Variants in RNF123 observed in about 807,000 individuals in gnomAD.
RNF123 encodes the protein E3 ubiquitin-protein ligase RNF123.
A neutral mutation model predicts 168.5 loss-of-function variants in RNF123; 86 were observed. The ratio of observed to expected loss-of-function variants is 0.51; its 90% CI spans 0.43 to 0.61. The LOEUF (loss-of-function observed/expected upper bound fraction) is 0.61. Among genes scored for constraint, RNF123 ranks in the 20% least tolerant of loss-of-function variants. RNF123 has a pLI of 0.00. For missense variants in RNF123, 1,419 were observed against 1,729.7 expected (o/e 0.82, Z 3.19); for synonymous variants, 666 against 689.1 (o/e 0.97, Z 0.52).
At chr3:49,713,245 G>A (rs2080177277) in intron 27 of RNF123, 4 of 591,008 alleles carry the variant, frequency 6.8e-6, no homozygotes, top group Admixed American at 3.0e-5. Context: ...AGCTTTGACT[G>A]CTCATCAGGT....
At chr3:49,716,344 G>C (rs141491956) in intron 34 of RNF123, 49 bp from the exon 35 acceptor site, 4 of 1,592,882 alleles carry the variant, frequency 2.5e-6, no homozygotes, top group Non-Finnish European at 3.4e-6. Flanking sequence ...TGGAGCCCTT[G>C]AAGCAGGAGC....
intron 27 of RNF123, chr3:49,712,917 A>C (rs1387346053): frequency 1.4e-6 from 1 of 703,104 alleles, no homozygotes; most frequent in Non-Finnish European, 2.6e-6. Flanking sequence ...CTTGGCTTTC[A>C]CTTCCTTCCT....
chr3:49,695,329 G>A (rs938745093), intron 3 of RNF123, among the ~76,000 whole-genome samples: 3 of 152,044 alleles, frequency 2.0e-5, no homozygotes, highest in African/African-American at 7.3e-5. Context: ...CAAACCCCTG[G>A]GCTCAAGTGA....
At chr3:49,690,029 ACCG>A (rs2054095266) in intron 1 of RNF123, among the ~76,000 whole-genome samples, 1 of 151,940 alleles carries the variant, frequency 6.6e-6, no homozygotes, top group Non-Finnish European at 1.5e-5. Context: ...GTGAAGGGGC[ACCG>A]ATCATGGACG....
Position 49,698,787 on chromosome 3 carries a change from G to A in RNF123, c.603G>A (p.Leu201=), listed in dbSNP as rs1221536198. The A allele has an allele frequency of 3.1e-6, 5 of 1,613,972 alleles. No homozygotes were observed. The highest frequency in any genetic ancestry group is 2.2e-5 in the South Asian group (2 of 91,076). ...CAGCGGGGGACATCGTGAGCTGCCT[G>A]ATTGACCTGGATGATGGCACTCTGT... ...AWAAGDIVSC[L]IDLDDGTLSF... Residue 201 remains leucine, a synonymous_variant, in exon 9 of 39, where the codon CTG becomes CTA. Transcript: ENST00000327697.
At chr3:49,718,653 C>T (rs201479576) in intron 35 of RNF123, 16 of 1,612,916 alleles carry the variant, frequency 9.9e-6, no homozygotes, top group Non-Finnish European at 1.3e-5. Flanking sequence ...ACGAGCAGTT[C>T]TCAAAGACGC....
chr3:49,703,384 AC>A (rs2108186881), intron 20 of RNF123, 42 bp from the exon 21 acceptor site: 1 of 1,528,846 alleles, frequency 6.5e-7, no homozygotes, highest in Non-Finnish European at 9.0e-7. Context: ...GGGTCTTCCT[AC>A]TGGGCCGTGA....
rs2054532599 is a variant in RNF123, at chr3:49,707,030, G to T, written c.2496+132G>T. 8 of 696,132 alleles carry T rather than the reference G, an allele frequency of 1.1e-5. No individual in the cohort carries two copies. In the South Asian group the frequency reaches 1.3e-4, roughly 12 times the overall value. 43.1% of individuals were successfully genotyped at this position (696,132 alleles called of 1,614,324 possible). On this transcript the variant is annotated intron_variant, in intron 26 of 38. Coordinates refer to ENST00000327697, the MANE Select transcript of RNF123 (RefSeq NM_022064.5). ...CACACATGTCCCTTCCCACACTTCA[G>T]ACTCCATCACCCCATGCCATGTCCC...
intron 27 of RNF123, 124 bp downstream of exon 27, chr3:49,712,780 A>T: frequency 1.8e-6 from 2 of 1,136,828 alleles, no homozygotes; most frequent in Non-Finnish European, 2.6e-6. Context: ...GGAGGGGAGG[A>T]GCTTCCTCTG....
At position 49,702,627 on chromosome 3, in the gene RNF123, C is replaced by T; in HGVS notation, c.1630-6C>T. The T allele has an allele frequency of 1.9e-6, 3 of 1,614,218 alleles. No individual in the cohort carries two copies. The highest frequency in any genetic ancestry group is 2.5e-6 in the Non-Finnish European group (3 of 1,180,028). Reference sequence around the variant, plus strand: ...CCAATGCATGTTTCATGCCTGGTGTCCACAGAACATGCCCATGCTCTGCCC... The same window carrying T: ...CCAATGCATGTTTCATGCCTGGTGTTCACAGAACATGCCCATGCTCTGCCC... On this transcript the variant is annotated splice_polypyrimidine_tract_variant and splice_region_variant and intron_variant, in intron 19 of 38. Transcript: ENST00000327697.
intron 26 of RNF123, among the ~76,000 whole-genome samples, chr3:49,710,244 G>A (rs566760988): frequency 6.6e-6 from 1 of 152,112 alleles, no homozygotes; most frequent in South Asian, 2.1e-4. Context: ...ACCTTTACAA[G>A]CACTTATTGG....
chr3:49,705,831 G>A, intron 24 of RNF123, 151 bp from the exon 25 acceptor site: 5 of 1,436,170 alleles, frequency 3.5e-6, no homozygotes, highest in Non-Finnish European at 4.8e-6. Context: ...TGCTCCTGCT[G>A]CCTCAGTCTG....
chr3:49,701,870 C>A lies in RNF123; in HGVS notation c.1455C>A (p.Ala485=). ...ETAEERLRRR[A]YERGCQRLRK... ...CAGAGGAGCGGCTGCGGCGGCGAGC[C>A]TACGAACGGGGCTGTCAGCGGCTCA... is the stretch of plus-strand genomic sequence containing the variant. The change falls in exon 17 of 39, where the codon GCC becomes GCA. Residue 485 remains alanine, a synonymous_variant. Transcript: ENST00000327697. 1 of 1,568,618 alleles carries A rather than the reference C, an allele frequency of 6.4e-7. No homozygotes were observed. The highest frequency in any genetic ancestry group is 8.6e-7 in the Non-Finnish European group (1 of 1,157,088).
At position 49,719,383 on chromosome 3, in the gene RNF123, G is replaced by C. The variant is rs768864860; in HGVS notation, c.3501-1128G>C. 3 of 1,613,646 alleles carry C rather than the reference G, an allele frequency of 1.9e-6. No individual in the cohort carries two copies. In the Admixed American group the frequency reaches 5.0e-5, roughly 27 times the overall value. On this transcript the variant is annotated intron_variant, in intron 35 of 38. Transcript: ENST00000327697. ...GTAGGGGCAGTTGTGGAGCGCACGG[G>C]GCGGGAAACCCTCGGAGTCCGGGGT...
chr3:49,712,442 G>C (rs2080160617), intron 26 of RNF123, 37 bp from the exon 27 acceptor site: 1 of 1,609,142 alleles, frequency 6.2e-7, no homozygotes, highest in African/African-American at 1.3e-5. Context: ...GACCCCACTG[G>C]TGCGCAACCC....
intron 35 of RNF123, chr3:49,719,106 C>A (rs746560357): frequency 1.2e-6 from 2 of 1,613,548 alleles, no homozygotes; most frequent in Non-Finnish European, 8.5e-7. Flanking sequence ...GCGCCCGCAA[C>A]GTGTTAGATG....
intron 3 of RNF123, among the ~76,000 whole-genome samples, chr3:49,695,086 G>T (rs1413943940): frequency 6.6e-6 from 1 of 152,180 alleles, no homozygotes; most frequent in Non-Finnish European, 1.5e-5. Context: ...CGACTTTTGG[G>T]GTCAGGTACA....
intron 31 of RNF123, 138 bp from the exon 32 acceptor site, chr3:49,715,437 T>C: frequency 9.5e-7 from 1 of 1,049,020 alleles, no homozygotes; most frequent in Non-Finnish European, 1.4e-6. Context: ...CTCTGTCCCC[T>C]GCTTTCATGA....
At position 49,704,999 on chromosome 3, in the gene RNF123, C is replaced by T. The variant is rs1381834651; in HGVS notation, c.1975C>T (p.Leu659=). The change falls in exon 23 of 39, where the codon CTG becomes TTG. Residue 659 remains leucine (L), a synonymous_variant. Coordinates refer to ENST00000327697, the MANE Select transcript of RNF123 (RefSeq NM_022064.5). The stretch of plus-strand genomic sequence containing the variant: ...TTCACTGCAGCGCCCCATGCAGGCC[C>T]TGGCTGTTGGGGGGCCACTGCCCCT... The part of the protein sequence containing the change: ...PAMAQRPMQA[L]AVGGPLPLPR... 1 of 1,606,926 alleles carries T rather than the reference C, an allele frequency of 6.2e-7. No homozygotes were observed. Among genetic ancestry groups the T allele is most frequent in the East Asian group, 2.2e-5 (1 of 44,670 alleles).
Sources: allele counts gnomAD v4.1 joint callset (sites outside exome capture counted in the v4.1 genomes callset), GRCh38; gene constraint gnomAD v4.1.1; transcripts MANE v1.5; gene names NCBI Gene and HGNC (gene_info 2026-07-23, HGNC 2026-07-21).